UBE2K: variants seen among roughly 807,000 people sequenced by gnomAD.
UBE2K encodes the protein ubiquitin conjugating enzyme E2 K.
Under a neutral mutation model 30.0 loss-of-function variants are expected in UBE2K, and 6 were observed. The ratio of observed to expected loss-of-function variants is 0.20; its 90% CI spans 0.11 to 0.39. The LOEUF (loss-of-function observed/expected upper bound fraction) is 0.39, where lower values mean the gene tolerates loss of function less well. UBE2K is among the 10% of genes least tolerant of loss of function. The pLI is 1.00. For synonymous variants in UBE2K, 86 were observed against 83.7 expected, an observed-to-expected ratio of 1.03 and a Z score of -0.15; for missense variants, 61 against 241.6, an observed-to-expected ratio of 0.25 and a Z score of 4.96.
chr4:39,744,930 T>A (rs1417850148), intron 2 of UBE2K, among the ~76,000 whole-genome samples: 9 of 149,596 alleles, frequency 6.0e-5, no homozygotes, highest in African/African-American at 2.0e-4. Context: ...ATAAATTAAA[T>A]AAAATAAATA....
At chr4:39,770,386 A>G in intron 4 of UBE2K, 9 of 1,613,276 alleles carry the variant, frequency 5.6e-6, no homozygotes, top group Non-Finnish European at 6.8e-6. Flanking sequence ...GGGCACATGA[A>G]GATGAAGTGC....
At chr4:39,771,929 C>T (rs1401314121) in intron 4 of UBE2K, among the ~76,000 whole-genome samples, 4 of 152,158 alleles carry the variant, frequency 2.6e-5, no homozygotes, top group African/African-American at 9.7e-5. Flanking sequence ...TAACCTTCGC[C>T]TCCCAGGTTC....
intron 4 of UBE2K, among the ~76,000 whole-genome samples, chr4:39,765,417 G>C (rs1018568506): frequency 2.0e-5 from 3 of 152,072 alleles, no homozygotes; most frequent in African/African-American, 7.2e-5. Flanking sequence ...CCAGCTACTT[G>C]GGAGGCTGAG....
chr4:39,744,367 T>C (rs1337710106), intron 2 of UBE2K, among the ~76,000 whole-genome samples: 1 of 149,276 alleles, frequency 6.7e-6, no homozygotes, highest in Non-Finnish European at 1.5e-5. Context: ...AGAGACGGGG[T>C]TTCACCATGT....
intron 1 of UBE2K, among the ~76,000 whole-genome samples, chr4:39,727,162 T>C (rs1271877171): frequency 6.6e-6 from 1 of 152,240 alleles, no homozygotes; most frequent in Non-Finnish European, 1.5e-5. Flanking sequence ...TCATTTAGTT[T>C]ACTTTCTAGT....
chr4:39,762,924 G>A (rs1456014511), intron 4 of UBE2K, among the ~76,000 whole-genome samples: 11 of 143,898 alleles, frequency 7.6e-5, no homozygotes, highest in Admixed American at 5.7e-4. Flanking sequence ...CCACGCACCC[G>A]GCCAAAAAAC....
chr4:39,712,427 T>C (rs1422280916), intron 1 of UBE2K, among the ~76,000 whole-genome samples: 1 of 149,644 alleles, frequency 6.7e-6, no homozygotes, highest in African/African-American at 2.5e-5. Context: ...GTGTTTTTTT[T>C]GTTTTATTTT....
intron 4 of UBE2K, among the ~76,000 whole-genome samples, chr4:39,757,674 ACTT>A (rs1221708798): frequency 1.3e-5 from 2 of 152,162 alleles, no homozygotes; most frequent in Non-Finnish European, 2.9e-5. Context: ...AATTTATTGA[ACTT>A]CTTAAGTGTC....
At chr4:39,722,711 A>G (rs916435341) in intron 1 of UBE2K, among the ~76,000 whole-genome samples, 1 of 152,154 alleles carries the variant, frequency 6.6e-6, no homozygotes, top group East Asian at 1.9e-4. Flanking sequence ...TCCACATAAG[A>G]CAGCAGCCCG....
At chr4:39,751,280 G>GT (rs923018559) in intron 3 of UBE2K, among the ~76,000 whole-genome samples, 6 of 152,164 alleles carry the variant, frequency 3.9e-5, no homozygotes, top group Middle Eastern at 3.4e-3. Flanking sequence ...ATAGATTATA[G>GT]TACAAAGTAA....
At position 39,778,494 on chromosome 4, in the gene UBE2K, T is replaced by C. The variant is rs1713411937; in HGVS notation, c.*60T>C. ...TCTTCTTGAGGAGCACCAACATCTG[T>C]TATTTTTAGGATTCTGCATAGATTT... On this transcript the variant is annotated 3_prime_UTR_variant, in exon 7 of 7. Transcript: ENST00000261427. 2 of 1,135,958 alleles carry C rather than the reference T, an allele frequency of 1.8e-6. No homozygotes were observed. Among genetic ancestry groups the C allele is most frequent in the East Asian group, 2.4e-5 (1 of 42,284 alleles). The allele number at this position is 1,135,958 out of a possible 1,614,324, so 70.4% of individuals were successfully genotyped here. A position where few individuals can be genotyped will look rare whatever the true frequency, so the allele number is the denominator to read the frequency against.
At chr4:39,765,908 T>TATACATACATAC (rs146565301) in intron 4 of UBE2K, among the ~76,000 whole-genome samples, 2,048 of 149,740 alleles carry the variant, frequency 0.014, 28 homozygotes, top group South Asian at 0.041. Flanking sequence ...AGGATATATA[T>TATACATACATAC]ATACATACAT....
In UBE2K at chr4:39,778,449, C is replaced by T. The variant is rs770040246; in HGVS notation, c.*15C>T. ...TGAGTAACTGAGGCATAGAGAGCTG[C>T]TGATATAGTCAAGCTTGCCTCTTCT... On this transcript the variant is annotated 3_prime_UTR_variant, in exon 7 of 7. Coordinates refer to ENST00000261427, the MANE Select transcript of UBE2K (RefSeq NM_005339.5). The T allele has an allele frequency of 1.3e-6, 2 of 1,569,246 alleles. No homozygotes were observed. The highest frequency in any genetic ancestry group is 1.7e-5 in the Admixed American group (1 of 58,548).
intron 4 of UBE2K, chr4:39,771,137 C>T: frequency 1.1e-5 from 17 of 1,612,514 alleles, no homozygotes; most frequent in Non-Finnish European, 1.2e-5. Flanking sequence ...AGATAGTTGA[C>T]GATGTCCCTA....
chr4:39,747,775 C>T (rs1366662876), intron 3 of UBE2K, among the ~76,000 whole-genome samples: 1 of 151,590 alleles, frequency 6.6e-6, no homozygotes, highest in Admixed American at 6.6e-5. Flanking sequence ...TGCTACCTCG[C>T]CCGGCTAATT....
intron 1 of UBE2K, among the ~76,000 whole-genome samples, chr4:39,716,535 C>A (rs576637661): frequency 2.0e-5 from 3 of 152,140 alleles, no homozygotes; most frequent in Non-Finnish European, 4.4e-5. Context: ...AGGCATGAGC[C>A]GCTGCGCCCA....
chr4:39,704,628 CTCCCCAGGCTTAGAT>C (rs1404022472), intron 1 of UBE2K, among the ~76,000 whole-genome samples: 1 of 152,052 alleles, frequency 6.6e-6, no homozygotes, highest in Non-Finnish European at 1.5e-5. Context: ...CAGCCTTGAA[CTCCCCAGGCTTAGAT>C]GATCCTCCTA....
intron 1 of UBE2K, among the ~76,000 whole-genome samples, chr4:39,703,769 C>T (rs894969785): frequency 1.3e-5 from 2 of 148,380 alleles, no homozygotes; most frequent in African/African-American, 4.9e-5. Context: ...ATTGCTTGAA[C>T]CGGGGAGGTG....
At chr4:39,757,395 G>A (rs1159088259) in intron 4 of UBE2K, among the ~76,000 whole-genome samples, 2 of 152,166 alleles carry the variant, frequency 1.3e-5, no homozygotes, top group Non-Finnish European at 2.9e-5. Flanking sequence ...AAATAGGAAT[G>A]ACAGTATTTA....
Sources: allele counts gnomAD v4.1 joint callset (sites outside exome capture counted in the v4.1 genomes callset), GRCh38; gene constraint gnomAD v4.1.1; transcripts MANE v1.5; gene names NCBI Gene and HGNC (gene_info 2026-07-23, HGNC 2026-07-21).